Variants in MAML3 observed in about 807,000 individuals in gnomAD.
The protein encoded by MAML3 is mastermind like transcriptional coactivator 3, also known as mastermind-like protein 3.
Under a neutral mutation model 101.9 loss-of-function variants are expected in MAML3, and 27 were observed. The ratio of observed to expected loss-of-function variants is 0.27; its 90% CI spans 0.20 to 0.37. The LOEUF (loss-of-function observed/expected upper bound fraction) is 0.37. Ranked by LOEUF, MAML3 falls within the 10% of genes least tolerant of loss-of-function variation. MAML3 has a pLI of 1.00. For missense variants in MAML3, 1,316 were observed against 1,444.9 expected (o/e 0.91, Z 1.45); for synonymous variants, 501 against 555.9 (o/e 0.90, Z 1.39).
intron 1 of MAML3, among the ~76,000 whole-genome samples, chr4:140,006,853 G>A (rs191922739): frequency 4.9e-4 from 74 of 152,284 alleles, no homozygotes; most frequent in Admixed American, 4.6e-3. Flanking sequence ...CTTACCCGCT[G>A]CCAGGCACTA....
chr4:139,939,162 T>C (rs1160462983), intron 1 of MAML3, among the ~76,000 whole-genome samples: 1 of 152,374 alleles, frequency 6.6e-6, no homozygotes, highest in South Asian at 2.1e-4. Context: ...GCTACCTCTT[T>C]AATGATTGTA....
chr4:139,875,246 C>T (rs1310066351), intron 2 of MAML3, among the ~76,000 whole-genome samples: 1 of 152,190 alleles, frequency 6.6e-6, no homozygotes, highest in Non-Finnish European at 1.5e-5. Context: ...CTACACTCTG[C>T]CACCCTCCCT....
intron 1 of MAML3, among the ~76,000 whole-genome samples, chr4:140,075,360 GA>G (rs143182949): frequency 0.017 from 2,511 of 152,072 alleles, 54 homozygotes; most frequent in African/African-American, 0.056. Flanking sequence ...TAGATGTGTA[GA>G]AAAAAACAAG....
intron 2 of MAML3, among the ~76,000 whole-genome samples, chr4:139,790,070 C>G (rs1044421595): frequency 4.6e-5 from 7 of 151,694 alleles, no homozygotes; most frequent in Non-Finnish European, 1.0e-4. Context: ...ACTAACGACT[C>G]TCTCAGGACC....
chr4:140,122,709 G>C (rs911022021), intron 1 of MAML3, among the ~76,000 whole-genome samples: 4 of 150,440 alleles, frequency 2.7e-5, no homozygotes, highest in African/African-American at 7.3e-5. Flanking sequence ...GGAGAATGGC[G>C]TGAACCCGGG....
intron 1 of MAML3, among the ~76,000 whole-genome samples, chr4:140,021,175 T>C (rs915677609): frequency 6.6e-6 from 1 of 152,194 alleles, no homozygotes; most frequent in Non-Finnish European, 1.5e-5. Flanking sequence ...AATATGTGTG[T>C]TATTTAGGAG....
intron 2 of MAML3, among the ~76,000 whole-genome samples, chr4:139,859,908 C>T (rs1731737185): frequency 6.6e-6 from 1 of 152,148 alleles, no homozygotes; most frequent in South Asian, 2.1e-4. Context: ...ACCGTCTGTA[C>T]GAGAGCAAAC....
chr4:139,880,033 C>T lies in MAML3; in HGVS notation c.2079+9324G>A, dbSNP rs111686135. On this transcript the variant is annotated intron_variant, in intron 2 of 4. Coordinates refer to ENST00000509479, the MANE Select transcript of MAML3 (RefSeq NM_018717.5). ...ACTAAAATACAAAAAATTGGCTGGGCGTGGCGGCCTGTGCCTGTAGTCCCA... is the reference window on the plus strand; with the variant it reads ...ACTAAAATACAAAAAATTGGCTGGGTGTGGCGGCCTGTGCCTGTAGTCCCA... Among the ~76,000 whole-genome samples the T allele has an allele frequency of 2.8e-4, 43 of 152,116 alleles. No homozygotes were observed. The East Asian group carries it at 3.5e-3, about 12-fold the overall frequency.
rs1347541949 is a variant in MAML3 at position 139,905,279 on chromosome 4, T to C, written c.469-14312A>G. On this transcript the variant is annotated intron_variant, in intron 1 of 4. Coordinates refer to ENST00000509479, the MANE Select transcript of MAML3 (RefSeq NM_018717.5). ...AGGCTGAAGTGGGTGGATCATGAGG[T>C]CAGGAGATCGAGACCATCCTGGCTA... Among the ~76,000 whole-genome samples the C allele has an allele frequency of 4.6e-5, 7 of 151,994 alleles. No individual in the cohort carries two copies. The East Asian group carries it at 1.4e-3, about 29-fold the overall frequency.
chr4:140,091,765 G>A (rs1728056312), intron 1 of MAML3, among the ~76,000 whole-genome samples: 2 of 151,890 alleles, frequency 1.3e-5, no homozygotes, highest in African/African-American at 2.4e-5. Flanking sequence ...TCATCTTAAT[G>A]GCTGTTTATG....
intron 1 of MAML3, among the ~76,000 whole-genome samples, chr4:139,943,864 C>CTT (rs10644498): frequency 0.054 from 3,548 of 65,658 alleles, 523 homozygotes; most frequent in African/African-American, 0.15. Context: ...CTAAAGACAA[C>CTT]TTTTTTTTTT....
At chr4:140,126,372 A>G (rs1728686432) in intron 1 of MAML3, among the ~76,000 whole-genome samples, 1 of 151,968 alleles carries the variant, frequency 6.6e-6, no homozygotes, top group African/African-American at 2.4e-5. Flanking sequence ...TCCTATTGTA[A>G]ACCCTCTAAC....
At chr4:140,108,036 T>A (rs1728381102) in intron 1 of MAML3, among the ~76,000 whole-genome samples, 1 of 152,098 alleles carries the variant, frequency 6.6e-6, no homozygotes, top group Non-Finnish European at 1.5e-5. Context: ...CATCTTTGAA[T>A]CCCCAATCAC....
intron 2 of MAML3, among the ~76,000 whole-genome samples, chr4:139,768,670 C>T (rs1001784446): frequency 3.9e-5 from 6 of 152,200 alleles, no homozygotes; most frequent in African/African-American, 1.2e-4. Context: ...ACTCTTAGTA[C>T]TACGCTGATG....
At chr4:139,736,418 A>C (rs949467775) in intron 2 of MAML3, among the ~76,000 whole-genome samples, 2 of 152,180 alleles carry the variant, frequency 1.3e-5, no homozygotes, top group Admixed American at 6.5e-5. Context: ...TCGAACACCC[A>C]CGATGGCTAG....
At chr4:139,971,081 CTT>C (rs1332423999) in intron 1 of MAML3, among the ~76,000 whole-genome samples, 3 of 152,230 alleles carry the variant, frequency 2.0e-5, no homozygotes, top group Non-Finnish European at 2.9e-5. Flanking sequence ...GTTTCACATT[CTT>C]TTCATATCCC....
chr4:139,912,585 T>C (rs184319063), intron 1 of MAML3, among the ~76,000 whole-genome samples: 4 of 152,326 alleles, frequency 2.6e-5, no homozygotes, highest in Non-Finnish European at 5.9e-5. Context: ...TGAAATTCAT[T>C]AAGATGAGGT....
intron 1 of MAML3, chr4:140,133,033 C>T (rs1728822143): frequency 4.8e-6 from 2 of 413,384 alleles, no homozygotes; most frequent in Admixed American, 6.1e-5. Flanking sequence ...ATTTTGATAC[C>T]TGTATTTATT....
At chr4:140,142,248 A>G (rs550446063) in intron 1 of MAML3, among the ~76,000 whole-genome samples, 1 of 152,318 alleles carries the variant, frequency 6.6e-6, no homozygotes. Context: ...TGTACAATAT[A>G]TAATATATAT....
Sources: allele counts gnomAD v4.1 joint callset (sites outside exome capture counted in the v4.1 genomes callset), GRCh38; gene constraint gnomAD v4.1.1; transcripts MANE v1.5; gene names NCBI Gene and HGNC (gene_info 2026-07-23, HGNC 2026-07-21).